Variants in TTC39B observed in about 807,000 individuals in gnomAD.
TTC39B encodes tetratricopeptide repeat protein 39B.
In TTC39B, 92 loss-of-function variants were observed where a neutral mutation model predicts 96.6. The ratio of observed to expected loss-of-function variants is 0.95; its 90% CI spans 0.80 to 1.13. TTC39B has a LOEUF of 1.13. TTC39B is among the 50% of genes most tolerant of loss of function. The pLI, the probability that TTC39B is intolerant of heterozygous loss-of-function variation, is 0.00. For synonymous variants in TTC39B, 367 were observed against 299.4 expected (o/e 1.23, Z -2.33); for missense variants, 955 against 809.3 (o/e 1.18, Z -2.18).
intron 2 of TTC39B, among the ~76,000 whole-genome samples, chr9:15,245,340 C>T (rs1822227852): frequency 6.6e-6 from 1 of 152,124 alleles, no homozygotes; most frequent in African/African-American, 2.4e-5. Context: ...ACAAACAAAA[C>T]TGAAGAAGGA....
intron 1 of TTC39B, among the ~76,000 whole-genome samples, chr9:15,301,700 G>A (rs1295705195): frequency 6.6e-6 from 1 of 151,430 alleles, no homozygotes; most frequent in African/African-American, 2.4e-5. Flanking sequence ...AGGTTGCCGT[G>A]AGCTGAGATC....
exon 13 of TTC39B, chr9:15,189,608 G>T (rs1216292283): frequency 6.2e-7 from 1 of 1,613,926 alleles, no homozygotes. Context: ...CTCTATTCGG[G>T]CATGATAAAA....
chr9:15,189,831 C>A, intron 11 of TTC39B, 39 bp from the exon 12 acceptor site: 1 of 1,412,418 alleles, frequency 7.1e-7, no homozygotes, highest in Non-Finnish European at 9.9e-7. Flanking sequence ...CTTCATAAGA[C>A]ATGGGGATAT....
chr9:15,291,861 C>G (rs1239506486), intron 1 of TTC39B, among the ~76,000 whole-genome samples: 1 of 152,196 alleles, frequency 6.6e-6, no homozygotes, highest in Non-Finnish European at 1.5e-5. Flanking sequence ...TGCAAGGCAG[C>G]AGACACAGTG....
At chr9:15,255,278 T>A (rs1822711351) in intron 2 of TTC39B, among the ~76,000 whole-genome samples, 1 of 152,104 alleles carries the variant, frequency 6.6e-6, no homozygotes, top group African/African-American at 2.4e-5. Flanking sequence ...TAGATGTGCA[T>A]CATGCATGGT....
At chr9:15,211,977 A>G (rs1416901264) in intron 4 of TTC39B, among the ~76,000 whole-genome samples, 1 of 152,226 alleles carries the variant, frequency 6.6e-6, no homozygotes, top group Non-Finnish European at 1.5e-5. Flanking sequence ...CAAATCATCA[A>G]GTTACAGTGA....
At chr9:15,215,632 T>C (rs1309998740) in intron 3 of TTC39B, among the ~76,000 whole-genome samples, 2 of 151,126 alleles carry the variant, frequency 1.3e-5, no homozygotes, top group African/African-American at 4.9e-5. Flanking sequence ...CCGAGGCAGG[T>C]GGATCATTTG....
At chr9:15,250,701 T>C (rs901349357) in intron 2 of TTC39B, among the ~76,000 whole-genome samples, 2 of 152,342 alleles carry the variant, frequency 1.3e-5, no homozygotes, top group East Asian at 1.9e-4. Context: ...ATAGTAGGCA[T>C]AGGAAATACT....
chr9:15,199,444 A>G (rs1200768989), intron 8 of TTC39B, among the ~76,000 whole-genome samples: 1 of 152,116 alleles, frequency 6.6e-6, no homozygotes, highest in Admixed American at 6.5e-5. Flanking sequence ...CAAATAAAAA[A>G]TCCTAGTCAG....
In TTC39B at chr9:15,194,433, A is replaced by T. The variant is rs1157260782; in HGVS notation, c.825-1738T>A. On this transcript the variant is annotated intron_variant, in intron 8 of 19. Transcript: ENST00000512701. ...TATAAAGGAATTTAGTATATTTTGAATTCCCAGGTAAGTATGTGCGTGTGT... is the reference window on the plus strand; with the variant it reads ...TATAAAGGAATTTAGTATATTTTGATTTCCCAGGTAAGTATGTGCGTGTGT... Among the ~76,000 whole-genome samples the T allele has an allele frequency of 3.3e-5, 5 of 152,284 alleles. No individual in the cohort carries two copies. In the East Asian group the frequency reaches 9.6e-4, roughly 29 times the overall value.
rs144937357 is a variant in TTC39B, at chr9:15,230,699, G to C, written c.276-4687C>G. Reference sequence around the variant, plus strand: ...TATGAACATTCATGTACAAGTTCTTGGCCAAGGCATGGTGGCTCACTCCTG... The same window carrying C: ...TATGAACATTCATGTACAAGTTCTTCGCCAAGGCATGGTGGCTCACTCCTG... On this transcript the variant is annotated intron_variant, in intron 2 of 19. Transcript: ENST00000512701. Among the ~76,000 whole-genome samples the C allele has an allele frequency of 5.6e-3, 845 of 152,180 alleles. 6 individuals carry two copies. The highest frequency in any genetic ancestry group is 8.6e-3 in the Non-Finnish European group (584 of 68,008).
chr9:15,280,607 T>G (rs910585979), intron 1 of TTC39B, among the ~76,000 whole-genome samples: 2 of 152,038 alleles, frequency 1.3e-5, no homozygotes, highest in African/African-American at 4.8e-5. Context: ...GCCCGAACAG[T>G]GATGATGATA....
Position 15,200,985 on chromosome 9 carries a change from G to A in TTC39B, c.760-1060C>T, listed in dbSNP as rs910260696. On this transcript the variant is annotated intron_variant, in intron 7 of 19. Coordinates refer to ENST00000512701, the Ensembl canonical transcript of TTC39B. ...CTGCACTCCAGCCTGGTGACAGAGCGAGACTCCATCTCAAAACAATAAATA... is the reference window on the plus strand; with the variant it reads ...CTGCACTCCAGCCTGGTGACAGAGCAAGACTCCATCTCAAAACAATAAATA... Among the ~76,000 whole-genome samples, 15 of 152,232 alleles carry A rather than the reference G, an allele frequency of 9.9e-5. No individual in the cohort carries two copies. In the South Asian group the frequency reaches 3.1e-3, roughly 32 times the overall value.
Position 15,226,173 on chromosome 9 carries a change from T to C in TTC39B, c.276-161A>G, listed in dbSNP as rs41268951. Reference sequence around the variant, plus strand: ...ATCAAGTAACAAAAATCTACTGTTATGTGTCAAACATTCCTGAAATACAGC... The same window carrying C: ...ATCAAGTAACAAAAATCTACTGTTACGTGTCAAACATTCCTGAAATACAGC... On this transcript the variant is annotated intron_variant, in intron 2 of 19. Transcript: ENST00000512701. Among the ~76,000 whole-genome samples the C allele has an allele frequency of 3.3e-3, 509 of 152,366 alleles. 2 individuals are homozygous for C. The highest frequency in any genetic ancestry group is 5.1e-3 in the Non-Finnish European group (350 of 68,034).
At chr9:15,299,661 A>T (rs1193922041) in intron 1 of TTC39B, among the ~76,000 whole-genome samples, 1 of 152,182 alleles carries the variant, frequency 6.6e-6, no homozygotes, top group East Asian at 1.9e-4. Flanking sequence ...GTGAATACAA[A>T]GTAACTTCAG....
intron 2 of TTC39B, among the ~76,000 whole-genome samples, chr9:15,233,766 C>T (rs1821583405): frequency 6.6e-6 from 1 of 152,206 alleles, no homozygotes; most frequent in Non-Finnish European, 1.5e-5. Flanking sequence ...GCAGCCTCTG[C>T]CCGGCCGCCA....
intron 1 of TTC39B, among the ~76,000 whole-genome samples, chr9:15,293,530 G>C (rs924576345): frequency 2.0e-5 from 3 of 152,168 alleles, no homozygotes; most frequent in Admixed American, 1.3e-4. Context: ...GATGTTAAAA[G>C]TCCATGTTAG....
chr9:15,219,033 T>A (rs1564359352), intron 3 of TTC39B, among the ~76,000 whole-genome samples: 1 of 152,212 alleles, frequency 6.6e-6, no homozygotes, highest in Non-Finnish European at 1.5e-5. Context: ...TGAACTCTGC[T>A]CACATTACTT....
At chr9:15,300,308 C>T (rs951545891) in intron 1 of TTC39B, among the ~76,000 whole-genome samples, 1 of 152,154 alleles carries the variant, frequency 6.6e-6, no homozygotes, top group African/African-American at 2.4e-5. Flanking sequence ...ACAAGGAACC[C>T]AGAATTATTA....
Sources: allele counts gnomAD v4.1 joint callset (sites outside exome capture counted in the v4.1 genomes callset), GRCh38; gene constraint gnomAD v4.1.1; transcripts MANE v1.5; gene names NCBI Gene and HGNC (gene_info 2026-07-23, HGNC 2026-07-21).